EGF: variants seen among roughly 807,000 people sequenced by gnomAD.
The protein encoded by EGF is pro-epidermal growth factor.
EGF carries 95 observed loss-of-function variants against 143.8 expected under a neutral mutation model. The ratio of observed to expected loss-of-function variants is 0.66; its 90% confidence interval spans 0.56 to 0.78. The LOEUF (loss-of-function observed/expected upper bound fraction) is 0.78. Ranked by LOEUF, EGF falls within the 30% of genes least tolerant of loss-of-function variation. The probability of loss-of-function intolerance (pLI) is 0.00; values close to 1 mark genes in which losing one functional copy is unlikely to be tolerated. For synonymous variants in EGF, 510 were observed against 510.5 expected, an observed-to-expected ratio of 1.00 and a Z score of 0.01; for missense variants, 1,320 against 1,470.9, an observed-to-expected ratio of 0.90 and a Z score of 1.68.
chr4:110,005,009 CTTTCTTTTCTT>C (rs1417180619), intron 22 of EGF, among the ~76,000 whole-genome samples: 1 of 125,268 alleles, frequency 8.0e-6, no homozygotes, highest in African/African-American at 2.9e-5. Flanking sequence ...TTCTTTCTTT[CTTTCTTTTCTT>C]TTTCTTTTTC....
intron 6 of EGF, among the ~76,000 whole-genome samples, chr4:109,960,619 T>G (rs1274516372): frequency 6.6e-6 from 1 of 152,012 alleles, no homozygotes; most frequent in Non-Finnish European, 1.5e-5. Flanking sequence ...CACTCCAGCC[T>G]GGGTGACAGA....
intron 1 of EGF, among the ~76,000 whole-genome samples, chr4:109,918,478 G>C (rs1737106151): frequency 6.6e-6 from 1 of 152,040 alleles, no homozygotes; most frequent in African/African-American, 2.4e-5. Flanking sequence ...AAAGTGACCT[G>C]CACCTCTATC....
At chr4:109,988,559 C>G in intron 17 of EGF, 25 bp from the exon 18 acceptor site, 2 of 1,613,738 alleles carry the variant, frequency 1.2e-6, no homozygotes, top group South Asian at 2.2e-5. Flanking sequence ...CTAAATATTG[C>G]ACTAGTTCAT....
rs1477021886 is a variant in EGF at position 109,941,012 on chromosome 4, A to G, written c.194A>G (p.Asn65Ser). The change falls in exon 2 of 24, where the codon AAT becomes AGT. Residue 65 changes from asparagine (N) to serine (S), a missense_variant. Asn to Ser is a conservative substitution (Grantham distance 46). Around this residue, in one of 5 missense-constraint regions of EGF, gnomAD observed 9 missense variants for 26.6 expected, o/e 0.34. Coordinates refer to ENST00000265171, the MANE Select transcript of EGF (RefSeq NM_001963.6). ...SIFRIDTEGT[N>S]YEQLVVDAGV... ...TTTAGGATTGACACAGAAGGAACCA[A>G]TTATGAGCAATTGGTGGTGGATGCT... 3.7e-6 allele frequency: 6 copies of G among 1,613,984 alleles called. No homozygotes were observed. Among genetic ancestry groups the G allele is most frequent in the Non-Finnish European group, 5.1e-6 (6 of 1,179,982 alleles).
At chr4:109,985,946 T>C (rs1750051512) in intron 16 of EGF, among the ~76,000 whole-genome samples, 1 of 152,210 alleles carries the variant, frequency 6.6e-6, no homozygotes, top group African/African-American at 2.4e-5. Context: ...TATTTAAATA[T>C]GTATCAAAGA....
chr4:110,011,695 C>T lies in EGF; in HGVS notation c.*240C>T, dbSNP rs1207679522. On this transcript the variant is annotated 3_prime_UTR_variant, in exon 24 of 24. Transcript: ENST00000265171. The stretch of plus-strand genomic sequence containing the variant: ...ATCACTAGGTAACTTATTAGAAACC[C>T]AAATTGGGACAACAGTGCTTTGTAA... 4 of 574,004 alleles carry T rather than the reference C, an allele frequency of 7.0e-6. No homozygotes were observed. The highest frequency in any genetic ancestry group is 1.2e-5 in the Non-Finnish European group (4 of 329,710). 35.6% of individuals were successfully genotyped at this position (574,004 alleles called of 1,614,324 possible).
intron 16 of EGF, among the ~76,000 whole-genome samples, chr4:109,986,315 C>G (rs985492304): frequency 6.6e-6 from 1 of 152,172 alleles, no homozygotes; most frequent in African/African-American, 2.4e-5. Flanking sequence ...ACTGTCCACT[C>G]TACACTCTGA....
chr4:109,921,065 T>C (rs1361175383), intron 1 of EGF, among the ~76,000 whole-genome samples: 1 of 151,620 alleles, frequency 6.6e-6, no homozygotes, highest in East Asian at 1.9e-4. Flanking sequence ...AAGGGATCTT[T>C]ACACTTCTTG....
chr4:109,975,636 C>T (rs1553940255), intron 12 of EGF, among the ~76,000 whole-genome samples: 3 of 152,212 alleles, frequency 2.0e-5, no homozygotes, highest in Non-Finnish European at 1.5e-5. Context: ...ATATGCATAA[C>T]AGAAGAACAG....
chr4:109,955,836 A>G (rs1010880050), intron 5 of EGF, among the ~76,000 whole-genome samples: 1 of 152,228 alleles, frequency 6.6e-6, no homozygotes, highest in Non-Finnish European at 1.5e-5. Context: ...AATAGGGCAC[A>G]TGCCTTATCC....
chr4:109,951,990 A>ATCTTTC (rs1744012155), intron 5 of EGF, among the ~76,000 whole-genome samples: 1 of 152,104 alleles, frequency 6.6e-6, no homozygotes, highest in Non-Finnish European at 1.5e-5. Context: ...GAAACTTAAA[A>ATCTTTC]TCTTTCTCTT....
At chr4:109,986,187 C>T (rs1258076205) in intron 16 of EGF, among the ~76,000 whole-genome samples, 1 of 152,202 alleles carries the variant, frequency 6.6e-6, no homozygotes, top group African/African-American at 2.4e-5. Flanking sequence ...AACTGCATAA[C>T]TATTGCTTTT....
intron 23 of EGF, 48 bp from the exon 24 acceptor site, chr4:110,011,154 C>A: frequency 1.2e-6 from 2 of 1,606,142 alleles, no homozygotes; most frequent in South Asian, 1.1e-5. Flanking sequence ...TCTTGCCTAT[C>A]TATTGTTAAT....
intron 16 of EGF, among the ~76,000 whole-genome samples, chr4:109,985,154 A>G (rs1353310581): frequency 6.6e-6 from 1 of 152,216 alleles, no homozygotes; most frequent in Non-Finnish European, 1.5e-5. Context: ...TGACCAAAGT[A>G]TTTGTGAATT....
chr4:109,961,671 T>C (rs910828702), intron 7 of EGF, among the ~76,000 whole-genome samples, 192 bp from the exon 8 acceptor site: 3 of 152,162 alleles, frequency 2.0e-5, no homozygotes, highest in African/African-American at 7.2e-5. Flanking sequence ...ATCCAGTTAA[T>C]TTTCAGGCAT....
Position 109,941,110 on chromosome 4 carries a change from T to C in EGF, c.292T>C (p.Leu98=). 6.2e-7 allele frequency: 1 copy of C among 1,613,996 alleles called. No homozygotes were observed. Residue 98 remains leucine, a synonymous_variant, in exon 2 of 24, where the codon TTG becomes CTG. Transcript: ENST00000265171. ...IYWVDLERQL[L]QRVFLNGSRQ... is the part of the protein sequence containing the mutation. ...TTGGGTGGATTTAGAAAGACAACTT[T>C]TGCAAAGAGTTTTTCTGAATGGGTC...
chr4:109,915,484 T>C (rs1182737621), intron 1 of EGF, among the ~76,000 whole-genome samples: 1 of 152,182 alleles, frequency 6.6e-6, no homozygotes, highest in Non-Finnish European at 1.5e-5. Flanking sequence ...CACAGATCCA[T>C]GGAGTGTGGA....
In EGF at chr4:110,004,191, C is replaced by A. The variant is rs187365719; in HGVS notation, c.3174-314C>A. Reference sequence around the variant, plus strand: ...GTGAATGAATGAATGCAAGGCTATTCCCCCCAACATACATGGGCATACATA... The same window carrying A: ...GTGAATGAATGAATGCAAGGCTATTACCCCCAACATACATGGGCATACATA... On this transcript the variant is annotated intron_variant, in intron 21 of 23. Transcript: ENST00000265171. The A allele has an allele frequency of 1.5e-4, 60 of 397,798 alleles. 1 individual carries two copies. The East Asian group carries it at 3.5e-3, about 23-fold the overall frequency. 24.6% of individuals were successfully genotyped at this position (397,798 alleles called of 1,614,324 possible).
At chr4:109,994,548 C>T (rs960273619) in intron 19 of EGF, among the ~76,000 whole-genome samples, 185 bp from the exon 20 acceptor site, 5 of 152,142 alleles carry the variant, frequency 3.3e-5, no homozygotes, top group East Asian at 1.9e-4. Flanking sequence ...AAAGGAAGAA[C>T]GGCTGGTTTC....
Sources: gnomAD v4.1 joint callset for allele counts (sites outside exome capture counted in the v4.1 genomes callset) on GRCh38, gnomAD v4.1.1 for gene constraint, gnomAD v4.1.1 regional missense constraint, MANE v1.5 for transcripts, NCBI Gene and HGNC (gene_info 2026-07-23, HGNC 2026-07-21) for gene names.